MBNL1: variants seen among roughly 807,000 people sequenced by gnomAD.
MBNL1 encodes muscleblind-like protein 1.
A neutral mutation model predicts 42.2 loss-of-function variants in MBNL1; 8 were observed. The ratio of observed to expected loss-of-function variants is 0.19; its 90% CI spans 0.11 to 0.34. MBNL1 has a LOEUF of 0.34. MBNL1 is among the 10% of genes least tolerant of loss of function. MBNL1 has a pLI of 1.00. For missense variants in MBNL1, 309 were observed against 495.3 expected (o/e 0.62, Z 3.57); for synonymous variants, 169 against 173.9 (o/e 0.97, Z 0.22).
rs918788616 is a variant in MBNL1, at chr3:152,268,932, C to T, written c.-950C>T. On this transcript the variant is annotated 5_prime_UTR_variant, in exon 1 of 10. Coordinates refer to ENST00000324210, the MANE Select transcript of MBNL1 (RefSeq NM_021038.5). ...AGGCTGCACAGCGACATGCAACAGTCTTTTCACTGCAGCTGAATGAGTTGT... is the reference window on the plus strand; with the variant it reads ...AGGCTGCACAGCGACATGCAACAGTTTTTTCACTGCAGCTGAATGAGTTGT... 2.8e-5 allele frequency: 13 copies of T among 456,242 alleles called. No individual in the cohort carries two copies. The highest frequency in any genetic ancestry group is 2.4e-4 in the African/African-American group (12 of 50,206). The allele number at this position is 456,242 out of a possible 1,614,324, so 28.3% of individuals were successfully genotyped here. A position where few individuals can be genotyped will look rare whatever the true frequency, so the allele number is the denominator to read the frequency against.
intron 4 of MBNL1, among the ~76,000 whole-genome samples, chr3:152,443,447 A>C (rs556749146): frequency 1.3e-5 from 2 of 149,670 alleles, no homozygotes; most frequent in Admixed American, 1.3e-4. Flanking sequence ...TAAACAGAAA[A>C]GTAGCCCTTT....
At chr3:152,314,187 TA>T (rs2068923250) in intron 2 of MBNL1, among the ~76,000 whole-genome samples, 1 of 152,224 alleles carries the variant, frequency 6.6e-6, no homozygotes, top group South Asian at 2.1e-4. Context: ...TATTCTTTTC[TA>T]TTTTTTTATA....
intron 2 of MBNL1, among the ~76,000 whole-genome samples, chr3:152,336,785 C>T (rs2090519818): frequency 6.6e-6 from 1 of 152,088 alleles, no homozygotes; most frequent in South Asian, 2.1e-4. Flanking sequence ...AATCAATTTT[C>T]CCAACACAGG....
intron 2 of MBNL1, among the ~76,000 whole-genome samples, chr3:152,375,425 G>T (rs748148041): frequency 3.3e-5 from 5 of 152,136 alleles, no homozygotes; most frequent in African/African-American, 1.2e-4. Flanking sequence ...CTTGTATAAG[G>T]TACTTGTAAA....
intron 2 of MBNL1, among the ~76,000 whole-genome samples, chr3:152,254,443 GT>G (rs2035153431): frequency 6.6e-6 from 1 of 151,978 alleles, no homozygotes; most frequent in African/African-American, 2.4e-5. Context: ...TTCCTTGACA[GT>G]TAGGGTTCAT....
At chr3:152,456,412 A>C in intron 8 of MBNL1, 51 bp downstream of exon 8, 2 of 1,423,462 alleles carry the variant, frequency 1.4e-6, no homozygotes, top group Non-Finnish European at 2.0e-6. Context: ...AATAGGGCTC[A>C]ATCCAACAGC....
intron 2 of MBNL1, among the ~76,000 whole-genome samples, chr3:152,351,407 A>G (rs1224944370): frequency 6.6e-6 from 1 of 152,192 alleles, no homozygotes; most frequent in Non-Finnish European, 1.5e-5. Context: ...CTCTAAGCAA[A>G]AGTTAACTAA....
chr3:152,433,804 A>G (rs868504799), intron 4 of MBNL1, among the ~76,000 whole-genome samples: 1 of 152,062 alleles, frequency 6.6e-6, no homozygotes, highest in Middle Eastern at 3.4e-3. Context: ...AGAGTAAAGG[A>G]TGATCAGATG....
At chr3:152,407,435 C>T (rs191214516) in intron 2 of MBNL1, among the ~76,000 whole-genome samples, 1 of 151,984 alleles carries the variant, frequency 6.6e-6, no homozygotes, top group East Asian at 1.9e-4. Context: ...AGAGAATTGC[C>T]TCATTTTTTC....
At chr3:152,455,481 G>A (rs1731895481) in intron 6 of MBNL1, 61 bp from the exon 7 acceptor site, 4 of 1,309,946 alleles carry the variant, frequency 3.1e-6, no homozygotes, top group Non-Finnish European at 4.4e-6. Context: ...ACGTGTGATG[G>A]GATGTTTTAA....
chr3:152,396,685 G>A (rs1276324466), intron 2 of MBNL1, among the ~76,000 whole-genome samples: 1 of 152,054 alleles, frequency 6.6e-6, no homozygotes, highest in African/African-American at 2.4e-5. Context: ...CTTTATTGCA[G>A]CCCTACCTTG....
chr3:152,384,077 A>G (rs2097302738), intron 2 of MBNL1, among the ~76,000 whole-genome samples: 1 of 152,160 alleles, frequency 6.6e-6, no homozygotes, highest in Non-Finnish European at 1.5e-5. Context: ...AAAATGTAAA[A>G]TGTAAATGAT....
chr3:152,335,031 TCTGCTGCTG>T (rs956334932), intron 2 of MBNL1: 2 of 1,189,014 alleles, frequency 1.7e-6, no homozygotes, highest in Non-Finnish European at 2.2e-6. Context: ...TGCTCCAGCT[TCTGCTGCTG>T]CTGCTGCTGC....
chr3:152,357,228 G>A (rs2095593061), intron 2 of MBNL1, among the ~76,000 whole-genome samples: 2 of 152,264 alleles, frequency 1.3e-5, no homozygotes, highest in African/African-American at 2.4e-5. Context: ...ATTCTTAATA[G>A]TGACACAAGG....
intron 1 of MBNL1, among the ~76,000 whole-genome samples, chr3:152,291,871 G>A (rs149485414): frequency 1.3e-5 from 2 of 152,134 alleles, no homozygotes; most frequent in Admixed American, 6.5e-5. Context: ...TGAACTCCTG[G>A]GCTCAAGCAG....
rs560140217 is a variant in MBNL1, at chr3:152,289,638, T to C, written c.-789-9767T>C. Among the ~76,000 whole-genome samples, 7 of 152,216 alleles carry C rather than the reference T, an allele frequency of 4.6e-5. No homozygotes were observed. The South Asian group carries it at 1.4e-3, about 32-fold the overall frequency. On this transcript the variant is annotated intron_variant, in intron 1 of 9. Coordinates refer to ENST00000324210, the MANE Select transcript of MBNL1 (RefSeq NM_021038.5). ...TATATCTTGTTATGAAGAATATATA[T>C]TATTATGAGGAATATATTCAGTTAA... is the stretch of plus-strand genomic sequence containing the variant.
Position 152,464,943 on chromosome 3 carries a change from A to AAAG in MBNL1, c.*2578_*2580dup, listed in dbSNP as rs372737791. The stretch of plus-strand genomic sequence containing the variant: ...GACAGACTGAGCAAAATTGCTTGCA[A>AAAG]AAGTGGCACAGAGTTAGCACTCCAT... On this transcript the variant is annotated 3_prime_UTR_variant, in exon 10 of 10. Transcript: ENST00000324210. 1.3e-5 allele frequency: 2 copies of AAAG among 152,748 alleles called. No individual in the cohort carries two copies. Among genetic ancestry groups the AAAG allele is most frequent in the East Asian group, 3.9e-4 (2 of 5,188 alleles). 9.5% of individuals were successfully genotyped at this position (152,748 alleles called of 1,614,324 possible).
chr3:152,424,504 T>C (rs770848328), intron 3 of MBNL1, among the ~76,000 whole-genome samples: 2 of 151,622 alleles, frequency 1.3e-5, no homozygotes, highest in Non-Finnish European at 2.9e-5. Flanking sequence ...CTGTCCAAAG[T>C]AATTTATAGA....
chr3:152,273,018 G>A (rs2042820681), intron 1 of MBNL1, among the ~76,000 whole-genome samples: 2 of 152,168 alleles, frequency 1.3e-5, no homozygotes, highest in Non-Finnish European at 2.9e-5. Flanking sequence ...TTTGTATATA[G>A]AGCCTCAAGA....
Sources: allele counts gnomAD v4.1 joint callset (sites outside exome capture counted in the v4.1 genomes callset), GRCh38; gene constraint gnomAD v4.1.1; transcripts MANE v1.5; gene names NCBI Gene and HGNC (gene_info 2026-07-23, HGNC 2026-07-21).